Variants in ANKS1B observed in about 807,000 individuals in gnomAD.
The protein encoded by ANKS1B is ankyrin repeat and sterile alpha motif domain containing 1B.
ANKS1B carries 36 observed loss-of-function variants against 148.3 expected under a neutral mutation model. The ratio of observed to expected loss-of-function variants is 0.24; its 90% CI spans 0.19 to 0.32. The LOEUF is 0.32. Among genes scored for constraint, ANKS1B ranks in the 10% least tolerant of loss-of-function variants. The pLI, the probability that ANKS1B is intolerant of heterozygous loss-of-function variation, is 1.00. For missense variants in ANKS1B, 1,157 were observed against 1,542.6 expected (o/e 0.75, Z 4.19); for synonymous variants, 542 against 560.8 (o/e 0.97, Z 0.47).
chr12:98,847,785 G>A (rs775157462), intron 17 of ANKS1B, among the ~76,000 whole-genome samples: 1 of 152,074 alleles, frequency 6.6e-6, no homozygotes, highest in African/African-American at 2.4e-5. Context: ...TAGTAGAGAG[G>A]GGGTTTTGTC....
intron 9 of ANKS1B, among the ~76,000 whole-genome samples, chr12:99,559,382 A>AAT (rs1317030409): frequency 6.6e-6 from 1 of 152,160 alleles, no homozygotes; most frequent in African/African-American, 2.4e-5. Flanking sequence ...GTTTATGTCA[A>AAT]ATACTTGTTC....
chr12:99,198,701 A>C (rs899761258), intron 14 of ANKS1B, among the ~76,000 whole-genome samples: 1 of 152,174 alleles, frequency 6.6e-6, no homozygotes, highest in African/African-American at 2.4e-5. Flanking sequence ...CTCTAATGGC[A>C]TTAATTAATA....
At chr12:99,761,678 G>A (rs1051782242) in intron 8 of ANKS1B, among the ~76,000 whole-genome samples, 1 of 151,932 alleles carries the variant, frequency 6.6e-6, no homozygotes, top group Admixed American at 6.6e-5. Context: ...ATATAACATA[G>A]TACTGAAAGT....
chr12:99,633,486 C>A (rs924604761), intron 9 of ANKS1B, among the ~76,000 whole-genome samples: 4 of 152,064 alleles, frequency 2.6e-5, no homozygotes, highest in African/African-American at 7.2e-5. Context: ...AAAATTAATT[C>A]GAGATGGATT....
intron 2 of ANKS1B, among the ~76,000 whole-genome samples, chr12:99,822,657 T>C (rs1047191509): frequency 6.6e-6 from 1 of 152,244 alleles, no homozygotes; most frequent in African/African-American, 2.4e-5. Context: ...CCATGGTGCA[T>C]ATGTACTACA....
chr12:99,292,358 A>T (rs1056657414), intron 12 of ANKS1B, among the ~76,000 whole-genome samples: 1 of 151,004 alleles, frequency 6.6e-6, no homozygotes, highest in African/African-American at 2.4e-5. Context: ...AAATAAAAAT[A>T]AAAATAAAAA....
At chr12:99,456,878 C>A (rs1467696092) in intron 10 of ANKS1B, among the ~76,000 whole-genome samples, 1 of 152,012 alleles carries the variant, frequency 6.6e-6, no homozygotes, top group Non-Finnish European at 1.5e-5. Flanking sequence ...ACTTTCCCAG[C>A]CTTGCTAGAG....
chr12:99,588,048 G>A (rs765195998), intron 9 of ANKS1B, among the ~76,000 whole-genome samples: 10 of 152,042 alleles, frequency 6.6e-5, no homozygotes, highest in Non-Finnish European at 1.2e-4. Context: ...TTTCTATAGT[G>A]GAGAAAGTCT....
chr12:99,009,543 C>A (rs557768806), intron 17 of ANKS1B, among the ~76,000 whole-genome samples: 4 of 152,232 alleles, frequency 2.6e-5, no homozygotes, highest in African/African-American at 9.6e-5. Context: ...AGAGGAGAGG[C>A]ATATTTTCTA....
intron 25 of ANKS1B, among the ~76,000 whole-genome samples, chr12:98,760,036 A>C (rs567578906): frequency 1.3e-5 from 2 of 152,212 alleles, no homozygotes; most frequent in African/African-American, 4.8e-5. Context: ...ACGTAAAAAT[A>C]TATGTATACA....
chr12:99,103,398 C>G (rs1417284856), intron 15 of ANKS1B, among the ~76,000 whole-genome samples: 1 of 152,178 alleles, frequency 6.6e-6, no homozygotes, highest in Non-Finnish European at 1.5e-5. Flanking sequence ...TTCGACATCT[C>G]TCCTATCTTG....
rs531944870 is a variant in ANKS1B, at chr12:99,160,758, G to A, written c.2420-6363C>T. On this transcript the variant is annotated intron_variant, in intron 14 of 26. Coordinates refer to ENST00000683438, the MANE Select transcript of ANKS1B (RefSeq NM_001352186.2). ...GTCCAGTTTCATTCTTCTGCATATC[G>A]CAAGCCAGCTATCCCAGCATAATTT... Among the ~76,000 whole-genome samples, 10 of 152,182 alleles carry A rather than the reference G, an allele frequency of 6.6e-5. No individual in the cohort carries two copies. In the South Asian group the frequency reaches 2.1e-3, roughly 32 times the overall value.
At chr12:99,091,289 C>T (rs965294048) in intron 15 of ANKS1B, among the ~76,000 whole-genome samples, 1 of 151,968 alleles carries the variant, frequency 6.6e-6, no homozygotes, top group African/African-American at 2.4e-5. Flanking sequence ...TTTTTGAAAC[C>T]CAATTCCCCT....
intron 8 of ANKS1B, among the ~76,000 whole-genome samples, chr12:99,736,364 CA>C (rs995942364): frequency 1.2e-4 from 14 of 118,582 alleles, no homozygotes; most frequent in South Asian, 7.0e-4. Flanking sequence ...GAAACCACCA[CA>C]AAAAAAAACT....
At chr12:99,475,429 T>C (rs1379563319) in intron 10 of ANKS1B, among the ~76,000 whole-genome samples, 1 of 151,710 alleles carries the variant, frequency 6.6e-6, no homozygotes, top group Non-Finnish European at 1.5e-5. Context: ...AACAGAGTGA[T>C]AAAAACTATC....
intron 10 of ANKS1B, among the ~76,000 whole-genome samples, chr12:99,450,855 T>C (rs908493625): frequency 6.6e-6 from 1 of 152,204 alleles, no homozygotes; most frequent in Admixed American, 6.6e-5. Flanking sequence ...CTGGTCTGGC[T>C]TTTATAATAA....
At chr12:99,311,979 G>GAA (rs199661324) in intron 12 of ANKS1B, among the ~76,000 whole-genome samples, 29 of 152,006 alleles carry the variant, frequency 1.9e-4, no homozygotes, top group African/African-American at 6.8e-4. Flanking sequence ...AAGGAAAAAT[G>GAA]AAAAAAGTAT....
chr12:99,139,440 T>TTTTCTTTC, intron 15 of ANKS1B, among the ~76,000 whole-genome samples: 1 of 4,732 alleles, frequency 2.1e-4, no homozygotes, highest in South Asian at 0.019. Context: ...CTTTCTTTCT[T>TTTTCTTTC]TTTCTTTCTT....
chr12:99,367,781 T>C (rs1224710215), intron 12 of ANKS1B, among the ~76,000 whole-genome samples: 1 of 151,004 alleles, frequency 6.6e-6, no homozygotes, highest in South Asian at 2.1e-4. Flanking sequence ...AGTATGTGTG[T>C]GTGCTTGTGT....
Sources: gnomAD v4.1 joint callset for allele counts (sites outside exome capture counted in the v4.1 genomes callset) on GRCh38, gnomAD v4.1.1 for gene constraint, MANE v1.5 for transcripts, NCBI Gene and HGNC (gene_info 2026-07-23, HGNC 2026-07-21) for gene names.